Variants in CNTNAP5 observed in about 807,000 individuals in gnomAD.
The protein encoded by CNTNAP5 is contactin associated protein family member 5.
Under a neutral mutation model 150.2 loss-of-function variants are expected in CNTNAP5, and 72 were observed. The ratio of observed to expected loss-of-function variants is 0.48; its 90% CI spans 0.40 to 0.58. The LOEUF is 0.58. Among genes scored for constraint, CNTNAP5 ranks in the 20% least tolerant of loss-of-function variants. The pLI, the probability that CNTNAP5 is intolerant of heterozygous loss-of-function variation, is 0.00. For missense variants in CNTNAP5, 1,636 were observed against 1,626.2 expected (o/e 1.01, Z -0.10); for synonymous variants, 672 against 619.8 (o/e 1.08, Z -1.25).
At chr2:124,537,052 GAA>G (rs1695250701) in intron 10 of CNTNAP5, among the ~76,000 whole-genome samples, 1 of 151,784 alleles carries the variant, frequency 6.6e-6, no homozygotes, top group African/African-American at 2.4e-5. Flanking sequence ...GAGAGAGAGA[GAA>G]AGAGAGAGAG....
In CNTNAP5 at chr2:124,446,931, C is replaced by G; in HGVS notation, c.912C>G (p.Asp304Glu). 1.2e-6 allele frequency: 2 copies of G among 1,612,726 alleles called. No individual in the cohort carries two copies. The highest frequency in any genetic ancestry group is 2.7e-5 in the African/African-American group (2 of 75,008). Residue 304 changes from aspartate (D) to glutamate (E), a missense_variant, in exon 6 of 24, where the codon GAC (aspartate) becomes GAG (glutamate). Transcript: ENST00000682447. ...TKGETDALDIDYELSFGGIPV... is the reference protein window; with the variant it reads ...TKGETDALDIEYELSFGGIPV... Reference sequence around the variant, plus strand: ...GCGAGACGGATGCCTTAGACATTGACTATGAGGTGAGTTGATCCTCCTTCC... The same window carrying G: ...GCGAGACGGATGCCTTAGACATTGAGTATGAGGTGAGTTGATCCTCCTTCC...
intron 11 of CNTNAP5, among the ~76,000 whole-genome samples, chr2:124,596,444 C>T (rs1696830455): frequency 1.6e-5 from 1 of 63,856 alleles, no homozygotes; most frequent in African/African-American, 5.5e-5. Flanking sequence ...TGTAGTTGAG[C>T]GGCTTTGAGT....
At chr2:124,123,647 A>G (rs1023525353) in intron 1 of CNTNAP5, among the ~76,000 whole-genome samples, 1 of 151,950 alleles carries the variant, frequency 6.6e-6, no homozygotes, top group African/African-American at 2.4e-5. Flanking sequence ...ACTGGGAGAC[A>G]CCTCCCAGTA....
intron 22 of CNTNAP5, among the ~76,000 whole-genome samples, chr2:124,903,365 T>A (rs1373384734): frequency 6.6e-6 from 1 of 151,800 alleles, no homozygotes; most frequent in Admixed American, 6.6e-5. Context: ...ATTGTGTATG[T>A]GTGTGTGTGT....
chr2:124,633,387 T>C (rs1422777384), intron 12 of CNTNAP5, among the ~76,000 whole-genome samples: 1 of 152,194 alleles, frequency 6.6e-6, no homozygotes, highest in African/African-American at 2.4e-5. Context: ...ACAGGCACCA[T>C]GAAACTCAGC....
intron 3 of CNTNAP5, among the ~76,000 whole-genome samples, chr2:124,270,241 G>A (rs1271898132): frequency 2.6e-5 from 4 of 152,106 alleles, no homozygotes; most frequent in Admixed American, 1.3e-4. Context: ...CCTGGGAGAC[G>A]GTGGTTGCAG....
intron 3 of CNTNAP5, among the ~76,000 whole-genome samples, chr2:124,269,343 C>T (rs1687686659): frequency 6.6e-6 from 1 of 152,034 alleles, no homozygotes; most frequent in Non-Finnish European, 1.5e-5. Context: ...GCCACAGGTC[C>T]CAAACCAGGG....
At chr2:124,132,313 A>C (rs1683870889) in intron 1 of CNTNAP5, among the ~76,000 whole-genome samples, 1 of 152,210 alleles carries the variant, frequency 6.6e-6, no homozygotes, top group Non-Finnish European at 1.5e-5. Flanking sequence ...TGTTGGCTTC[A>C]TAAAGTGCAG....
At chr2:124,817,567 A>G (rs982741013) in intron 19 of CNTNAP5, among the ~76,000 whole-genome samples, 5 of 152,196 alleles carry the variant, frequency 3.3e-5, no homozygotes, top group African/African-American at 1.2e-4. Flanking sequence ...CTAGAGTTGT[A>G]TAAAGTCTTG....
At chr2:124,900,352 A>G (rs151061875) in intron 21 of CNTNAP5, among the ~76,000 whole-genome samples, 7 of 151,412 alleles carry the variant, frequency 4.6e-5, no homozygotes, top group Non-Finnish European at 8.8e-5. Context: ...CTTTTGTCTT[A>G]TTTTTGTTTT....
intron 8 of CNTNAP5, among the ~76,000 whole-genome samples, chr2:124,510,825 C>G (rs1694570364): frequency 6.6e-6 from 1 of 152,152 alleles, no homozygotes; most frequent in Non-Finnish European, 1.5e-5. Flanking sequence ...TTCACTAGAG[C>G]AGAGAACACC....
At chr2:124,297,669 C>A (rs900907546) in intron 3 of CNTNAP5, among the ~76,000 whole-genome samples, 3 of 151,950 alleles carry the variant, frequency 2.0e-5, no homozygotes, top group Non-Finnish European at 4.4e-5. Context: ...GTCCTCTGTG[C>A]ATATAGTCTG....
At chr2:124,252,937 C>T (rs925153172) in intron 3 of CNTNAP5, among the ~76,000 whole-genome samples, 13 of 151,626 alleles carry the variant, frequency 8.6e-5, no homozygotes, top group African/African-American at 2.7e-4. Flanking sequence ...TTGTAGAAGG[C>T]GATCTTATTA....
At chr2:124,585,389 A>C (rs1696504992) in intron 11 of CNTNAP5, among the ~76,000 whole-genome samples, 1 of 152,190 alleles carries the variant, frequency 6.6e-6, no homozygotes, top group Non-Finnish European at 1.5e-5. Flanking sequence ...CAAAACAGGG[A>C]TGGGAGTGGA....
chr2:124,262,721 A>G (rs1237323491), intron 3 of CNTNAP5, among the ~76,000 whole-genome samples: 2 of 151,630 alleles, frequency 1.3e-5, no homozygotes, highest in African/African-American at 4.9e-5. Flanking sequence ...ACATATGTAT[A>G]TATGTGCCAT....
chr2:124,183,409 G>T (rs554640881), intron 1 of CNTNAP5, among the ~76,000 whole-genome samples: 1 of 152,078 alleles, frequency 6.6e-6, no homozygotes, highest in East Asian at 1.9e-4. Context: ...AAAATGTCTA[G>T]TTTCTTTTGA....
At chr2:124,045,983 T>C (rs1681522401) in intron 1 of CNTNAP5, among the ~76,000 whole-genome samples, 1 of 152,206 alleles carries the variant, frequency 6.6e-6, no homozygotes, top group African/African-American at 2.4e-5. Flanking sequence ...TAAAGGTATT[T>C]ATATTTCACC....
chr2:124,228,880 C>T (rs1476011966), intron 2 of CNTNAP5, among the ~76,000 whole-genome samples: 1 of 152,080 alleles, frequency 6.6e-6, no homozygotes, highest in East Asian at 1.9e-4. Flanking sequence ...AGCATCAAAT[C>T]CCCCTCAAAA....
intron 13 of CNTNAP5, among the ~76,000 whole-genome samples, chr2:124,735,207 A>C (rs1325526348): frequency 6.6e-6 from 1 of 152,116 alleles, no homozygotes; most frequent in Non-Finnish European, 1.5e-5. Flanking sequence ...AAACAAATAA[A>C]ACATGTCCGT....
Sources: allele counts gnomAD v4.1 joint callset (sites outside exome capture counted in the v4.1 genomes callset), GRCh38; gene constraint gnomAD v4.1.1; transcripts MANE v1.5; gene names NCBI Gene and HGNC (gene_info 2026-07-23, HGNC 2026-07-21).